The following GRIK2 variants were observed in gnomAD, a reference collection of about 807,000 sequenced individuals.
GRIK2 encodes the protein glutamate receptor ionotropic, kainate 2.
A neutral mutation model predicts 100.3 loss-of-function variants in GRIK2; 32 were observed. The observed-to-expected ratio is 0.32, with a 90% CI of 0.24 to 0.43. The LOEUF (loss-of-function observed/expected upper bound fraction) is 0.43, where lower values mean the gene tolerates loss of function less well. GRIK2 is among the 20% of genes least tolerant of loss of function. The pLI, the probability that GRIK2 is intolerant of heterozygous loss-of-function variation, is 1.00. For synonymous variants in GRIK2, 417 were observed against 389.4 expected (o/e 1.07, Z -0.83); for missense variants, 843 against 1,114.9 (o/e 0.76, Z 3.47).
intron 2 of GRIK2, among the ~76,000 whole-genome samples, chr6:101,554,590 G>A (rs1016539673): frequency 1.3e-5 from 2 of 152,072 alleles, no homozygotes; most frequent in African/African-American, 4.8e-5. Flanking sequence ...TCTGAGAACT[G>A]TCCATCAAAC....
chr6:101,620,780 A>G (rs915844770), intron 2 of GRIK2, among the ~76,000 whole-genome samples: 9 of 152,166 alleles, frequency 5.9e-5, no homozygotes, highest in Admixed American at 5.2e-4. Flanking sequence ...GGGATTAGGA[A>G]TCAGATGCTC....
intron 2 of GRIK2, among the ~76,000 whole-genome samples, chr6:101,577,551 A>G (rs1355812662): frequency 3.9e-5 from 6 of 152,126 alleles, no homozygotes; most frequent in African/African-American, 1.2e-4. Context: ...TAAAGTTTTA[A>G]TATAAAGTCA....
chr6:101,491,045 A>G (rs574425827), intron 2 of GRIK2, among the ~76,000 whole-genome samples: 5 of 131,666 alleles, frequency 3.8e-5, no homozygotes, highest in Admixed American at 1.5e-4. Flanking sequence ...GGTGTCTACC[A>G]CTCCTTGATG....
intron 12 of GRIK2, among the ~76,000 whole-genome samples, chr6:101,900,257 G>A (rs929373212): frequency 1.3e-5 from 2 of 152,116 alleles, no homozygotes; most frequent in Admixed American, 6.6e-5. Flanking sequence ...CTGAGGTCAG[G>A]AGTTCAAGAC....
chr6:101,411,067 T>C (rs1424071093), intron 2 of GRIK2, among the ~76,000 whole-genome samples: 1 of 152,076 alleles, frequency 6.6e-6, no homozygotes, highest in Non-Finnish European at 1.5e-5. Context: ...TTGCCTCTAA[T>C]GGGTGAAGAA....
At chr6:101,768,567 G>T (rs1382098797) in intron 7 of GRIK2, among the ~76,000 whole-genome samples, 1 of 152,164 alleles carries the variant, frequency 6.6e-6, no homozygotes, top group Non-Finnish European at 1.5e-5. Flanking sequence ...AATGAAAGCT[G>T]TCTTCCATAA....
chr6:101,964,648 A>T (rs1387939069), intron 14 of GRIK2, among the ~76,000 whole-genome samples: 3 of 152,148 alleles, frequency 2.0e-5, no homozygotes. Flanking sequence ...CTGCCTAACC[A>T]TTGCTGCAGC....
rs150999327 is a variant in GRIK2, at chr6:101,895,908, T to G, written c.1748+6045T>G. ...TTCTGCTAATATGCCTGTCACATATTAAAGTGATTGCTAAAATTGATTAAA... is the reference window on the plus strand; with the variant it reads ...TTCTGCTAATATGCCTGTCACATATGAAAGTGATTGCTAAAATTGATTAAA... On this transcript the variant is annotated intron_variant, in intron 12 of 16. Coordinates refer to ENST00000369134, the MANE Select transcript of GRIK2 (RefSeq NM_021956.5). Among the ~76,000 whole-genome samples, 1,203 of 151,822 alleles carry G rather than the reference T, an allele frequency of 7.9e-3. 22 individuals are homozygous for G. Among genetic ancestry groups the G allele is most frequent in the African/African-American group, 0.027 (1,139 of 41,514 alleles).
At chr6:101,950,616 T>C (rs1367322561) in intron 14 of GRIK2, among the ~76,000 whole-genome samples, 1 of 152,206 alleles carries the variant, frequency 6.6e-6, no homozygotes. Flanking sequence ...CCCACCTGCC[T>C]CTGGAATAGG....
At chr6:101,565,933 G>GTGTATATATATATATATATATATA (rs1777243722) in intron 2 of GRIK2, among the ~76,000 whole-genome samples, 1 of 62,760 alleles carries the variant, frequency 1.6e-5, no homozygotes, top group South Asian at 4.0e-4. Context: ...ATATATATAT[G>GTGTATATATATATATATATATATA]TGTATATATA....
intron 2 of GRIK2, among the ~76,000 whole-genome samples, chr6:101,620,848 T>C (rs372406771): frequency 3.3e-5 from 5 of 152,116 alleles, no homozygotes; most frequent in African/African-American, 7.2e-5. Context: ...AAGGCCTCAG[T>C]TGGGTCACTC....
chr6:101,620,483 C>T (rs1054839966), intron 2 of GRIK2, among the ~76,000 whole-genome samples: 1 of 151,986 alleles, frequency 6.6e-6, no homozygotes, highest in Non-Finnish European at 1.5e-5. Context: ...TTGCCTCACC[C>T]CTCTAGTCTA....
intron 2 of GRIK2, among the ~76,000 whole-genome samples, chr6:101,445,753 T>C (rs540972173): frequency 3.3e-4 from 50 of 152,234 alleles, no homozygotes; most frequent in South Asian, 2.5e-3. Context: ...CTAGCCACTT[T>C]TCCCATCTGT....
At chr6:101,988,556 G>A (rs1233218646) in intron 14 of GRIK2, among the ~76,000 whole-genome samples, 1 of 151,836 alleles carries the variant, frequency 6.6e-6, no homozygotes, top group Non-Finnish European at 1.5e-5. Context: ...GCTACTTAAT[G>A]CTCTGTGACT....
chr6:101,935,157 C>T (rs574884924), intron 14 of GRIK2, among the ~76,000 whole-genome samples: 3 of 152,022 alleles, frequency 2.0e-5, no homozygotes, highest in East Asian at 3.9e-4. Context: ...TTTTCCACCA[C>T]TATCCAGAAG....
chr6:101,777,940 G>C (rs1778853264), intron 7 of GRIK2, among the ~76,000 whole-genome samples: 3 of 152,160 alleles, frequency 2.0e-5, no homozygotes, highest in Admixed American at 2.0e-4. Context: ...TGTACCTCTG[G>C]GGGGTAATAC....
intron 7 of GRIK2, among the ~76,000 whole-genome samples, chr6:101,769,408 G>A (rs1177135538): frequency 6.6e-6 from 1 of 152,110 alleles, no homozygotes; most frequent in Non-Finnish European, 1.5e-5. Context: ...TTTAGAGTCA[G>A]GAATGCAGAG....
intron 12 of GRIK2, among the ~76,000 whole-genome samples, chr6:101,915,855 C>A (rs1000207426): frequency 1.3e-5 from 2 of 151,268 alleles, no homozygotes; most frequent in African/African-American, 4.8e-5. Context: ...CAATCTATCC[C>A]GGAAGGTATT....
intron 2 of GRIK2, among the ~76,000 whole-genome samples, chr6:101,584,543 G>A (rs1778259378): frequency 6.6e-6 from 1 of 151,888 alleles, no homozygotes; most frequent in Non-Finnish European, 1.5e-5. Context: ...ATGAATATAG[G>A]ACTATTTGAG....
Sources: allele counts gnomAD v4.1 joint callset (sites outside exome capture counted in the v4.1 genomes callset), GRCh38; gene constraint gnomAD v4.1.1; transcripts MANE v1.5; gene names NCBI Gene and HGNC (gene_info 2026-07-23, HGNC 2026-07-21).